Variants in PALLD observed in about 807,000 individuals in gnomAD.
The protein encoded by PALLD is palladin.
PALLD carries 61 observed loss-of-function variants against 123.5 expected under a neutral mutation model. The observed-to-expected ratio is 0.49, with a 90% CI of 0.40 to 0.61. The LOEUF (loss-of-function observed/expected upper bound fraction) is 0.61, where lower values mean the gene tolerates loss of function less well. Ranked by LOEUF, PALLD falls within the 20% of genes least tolerant of loss-of-function variation. The pLI is 0.00. For missense variants in PALLD, 1,273 were observed against 1,377.0 expected, an observed-to-expected ratio of 0.92 and a Z score of 1.20; for synonymous variants, 465 against 496.4, an observed-to-expected ratio of 0.94 and a Z score of 0.84.
At chr4:168,883,618 G>T (rs1186563511) in intron 10 of PALLD, among the ~76,000 whole-genome samples, 1 of 152,208 alleles carries the variant, frequency 6.6e-6, no homozygotes. Flanking sequence ...CAAAAAAAGA[G>T]ACCTCTTGGG....
chr4:168,767,334 G>T (rs1733806271), intron 10 of PALLD, among the ~76,000 whole-genome samples: 1 of 152,032 alleles, frequency 6.6e-6, no homozygotes, highest in Non-Finnish European at 1.5e-5. Flanking sequence ...CCCTGTTCTG[G>T]ACAAACACAT....
chr4:168,880,546 T>C (rs1036853115), intron 10 of PALLD, among the ~76,000 whole-genome samples: 2 of 152,238 alleles, frequency 1.3e-5, no homozygotes, highest in Non-Finnish European at 2.9e-5. Flanking sequence ...TGAAACATGT[T>C]TTTCCTCTGG....
chr4:168,845,138 G>A (rs1746636060), intron 10 of PALLD, among the ~76,000 whole-genome samples: 2 of 152,128 alleles, frequency 1.3e-5, no homozygotes, highest in African/African-American at 2.4e-5. Context: ...GAGGAGGTGA[G>A]GGAGGCTTTA....
At chr4:168,638,231 A>G (rs1439912811) in intron 2 of PALLD, among the ~76,000 whole-genome samples, 1 of 152,186 alleles carries the variant, frequency 6.6e-6, no homozygotes, top group Non-Finnish European at 1.5e-5. Flanking sequence ...TTATCTGGAA[A>G]CTATATTCTC....
chr4:168,890,813 G>A, intron 10 of PALLD, 109 bp from the exon 11 acceptor site: 1 of 1,088,144 alleles, frequency 9.2e-7, no homozygotes, highest in Non-Finnish European at 1.4e-6. Flanking sequence ...ATAAAAAATA[G>A]TGGGAGTGAC....
At chr4:168,541,992 G>C (rs1453952484) in intron 2 of PALLD, among the ~76,000 whole-genome samples, 1 of 152,188 alleles carries the variant, frequency 6.6e-6, no homozygotes, top group African/African-American at 2.4e-5. Flanking sequence ...TGAGGGGAAA[G>C]TGGTGGTGGA....
At chr4:168,904,135 AG>A (rs1757126558) in intron 15 of PALLD, 1 of 531,222 alleles carries the variant, frequency 1.9e-6, no homozygotes, top group Admixed American at 3.1e-5. Context: ...AATATTATTA[AG>A]GGTCTAATAT....
At chr4:168,802,957 G>T (rs1163304653) in intron 10 of PALLD, among the ~76,000 whole-genome samples, 1 of 150,764 alleles carries the variant, frequency 6.6e-6, no homozygotes, top group African/African-American at 2.5e-5. Flanking sequence ...CTCCCAAAGT[G>T]CTGGGATTAC....
At chr4:168,877,537 A>C (rs1420972449) in intron 10 of PALLD, among the ~76,000 whole-genome samples, 1 of 152,202 alleles carries the variant, frequency 6.6e-6, no homozygotes, top group South Asian at 2.1e-4. Flanking sequence ...TACTTCACTG[A>C]CTTAGCGCTT....
At chr4:168,849,227 T>C (rs763495445) in intron 10 of PALLD, among the ~76,000 whole-genome samples, 1 of 152,240 alleles carries the variant, frequency 6.6e-6, no homozygotes, top group Non-Finnish European at 1.5e-5. Context: ...CTTAGGGAGC[T>C]GATTGTAATG....
intron 18 of PALLD, 44 bp from the exon 19 acceptor site, chr4:168,924,211 C>T (rs1296459108): frequency 1.3e-6 from 2 of 1,560,862 alleles, no homozygotes; most frequent in East Asian, 4.5e-5. Flanking sequence ...TCTAGTGCTC[C>T]TTTTGTATAT....
At chr4:168,630,261 T>A (rs1450935725) in intron 2 of PALLD, among the ~76,000 whole-genome samples, 2 of 152,214 alleles carry the variant, frequency 1.3e-5, no homozygotes, top group Non-Finnish European at 2.9e-5. Context: ...CGGCTCTTGT[T>A]ATTCAATGAC....
rs765994846 is a variant in PALLD, at chr4:168,561,870, C to T, written c.908+49458C>T. On this transcript the variant is annotated intron_variant, in intron 2 of 21. Transcript: ENST00000505667. ...ACTTAATTATTTCAGGAGGAATGTC[C>T]GTGGGAAAAAAAAGAGCTACCGTGA... Among the ~76,000 whole-genome samples the T allele has an allele frequency of 5.9e-5, 9 of 151,598 alleles. No individual in the cohort carries two copies. In the South Asian group the frequency reaches 8.3e-4, roughly 14 times the overall value.
chr4:168,694,341 T>C (rs1439460367), intron 8 of PALLD, among the ~76,000 whole-genome samples: 2 of 152,172 alleles, frequency 1.3e-5, no homozygotes, highest in Non-Finnish European at 2.9e-5. Context: ...GCCTTTGAAA[T>C]TCAGGAAAAC....
chr4:168,770,008 T>G (rs1336759040), intron 10 of PALLD, among the ~76,000 whole-genome samples: 7 of 152,182 alleles, frequency 4.6e-5, no homozygotes, highest in Admixed American at 4.6e-4. Flanking sequence ...TCTACTCTTT[T>G]TACTTGAAGG....
chr4:168,794,455 A>AC (rs57101711), intron 10 of PALLD, among the ~76,000 whole-genome samples: 82,281 of 151,614 alleles, frequency 0.54, 22,907 homozygotes, highest in Non-Finnish European at 0.61. Context: ...ACATACGCGC[A>AC]GCGCACAGAC....
chr4:168,926,603 T>C lies in PALLD; in HGVS notation c.*423T>C. On this transcript the variant is annotated 3_prime_UTR_variant, in exon 22 of 22. Transcript: ENST00000505667. ...CATTGCACAGAAAATACACATTTAC[T>C]GTCCAATTTAAAACTTTGGAATTGC... 1 of 460,702 alleles carries C rather than the reference T, an allele frequency of 2.2e-6. No homozygotes were observed. Among genetic ancestry groups the C allele is most frequent in the Non-Finnish European group, 3.9e-6 (1 of 259,464 alleles). 28.5% of individuals were successfully genotyped at this position (460,702 alleles called of 1,614,324 possible).
intron 6 of PALLD, 35 bp downstream of exon 6, chr4:168,685,594 CT>C: frequency 1.4e-6 from 2 of 1,397,988 alleles, no homozygotes; most frequent in Non-Finnish European, 2.0e-6. Context: ...TCTGTGTTTG[CT>C]TTGGTCCTTA....
At chr4:168,740,141 A>G (rs749169252) in intron 10 of PALLD, among the ~76,000 whole-genome samples, 18 of 152,180 alleles carry the variant, frequency 1.2e-4, no homozygotes, top group Non-Finnish European at 2.2e-4. Context: ...AAATTTTGTA[A>G]TGCTTCTTGG....
Sources: gnomAD v4.1 joint callset for allele counts (sites outside exome capture counted in the v4.1 genomes callset) on GRCh38, gnomAD v4.1.1 for gene constraint, MANE v1.5 for transcripts, NCBI Gene and HGNC (gene_info 2026-07-23, HGNC 2026-07-21) for gene names.